The following IL1RAPL1 variants were observed in gnomAD, a reference collection of about 807,000 sequenced individuals.
The protein encoded by IL1RAPL1 is interleukin 1 receptor accessory protein like 1.
IL1RAPL1 carries 3 observed loss-of-function variants against 48.4 expected under a neutral mutation model. The observed-to-expected ratio is 0.06, with a 90% CI of 0.03 to 0.16. The LOEUF is 0.16. Ranked by LOEUF, IL1RAPL1 falls within the 10% of genes least tolerant of loss-of-function variation. The pLI is 1.00. For missense variants in IL1RAPL1, 349 were observed against 530.6 expected, an observed-to-expected ratio of 0.66 and a Z score of 3.36; for synonymous variants, 185 against 187.7, an observed-to-expected ratio of 0.99 and a Z score of 0.12.
At chrX:28,805,507 A>G (rs189471041) in intron 2 of IL1RAPL1, among the ~76,000 whole-genome samples, 63 of 111,358 alleles carry the variant, frequency 5.7e-4, no homozygotes, top group African/African-American at 1.9e-3. Context: ...TATTGTATCA[A>G]TGGGTCTTGC....
intron 2 of IL1RAPL1, among the ~76,000 whole-genome samples, chrX:28,883,202 T>C (rs764566817): frequency 2.7e-5 from 3 of 112,235 alleles, no homozygotes; most frequent in Non-Finnish European, 3.8e-5. Flanking sequence ...TATTCATATC[T>C]TTTAATAAAA....
chrX:29,912,222 T>C (rs1486451225), intron 6 of IL1RAPL1, among the ~76,000 whole-genome samples: 1 of 111,879 alleles, frequency 8.9e-6, no homozygotes, highest in African/African-American at 3.2e-5. Context: ...CTGTACTTAC[T>C]TACAATGTGA....
chrX:29,087,149 T>A (rs953159085), intron 2 of IL1RAPL1, among the ~76,000 whole-genome samples: 1 of 102,882 alleles, frequency 9.7e-6, no homozygotes, highest in African/African-American at 3.6e-5. Context: ...TTTTTTTTTT[T>A]TTTTTTTGAG....
intron 6 of IL1RAPL1, among the ~76,000 whole-genome samples, chrX:29,784,955 C>A (rs1331651902): frequency 9.0e-6 from 1 of 111,728 alleles, no homozygotes; most frequent in Non-Finnish European, 1.9e-5. Flanking sequence ...GACATTGATA[C>A]GTTGCAGTAG....
chrX:29,438,655 G>A (rs1873357477), intron 5 of IL1RAPL1, among the ~76,000 whole-genome samples: 1 of 110,911 alleles, frequency 9.0e-6, no homozygotes, highest in Non-Finnish European at 1.9e-5. Context: ...TTTACTAGTC[G>A]TTTGGTGTCC....
intron 1 of IL1RAPL1, among the ~76,000 whole-genome samples, chrX:28,712,274 C>T: frequency 9.0e-6 from 1 of 110,546 alleles, no homozygotes. Context: ...TCCAGAGAAA[C>T]CTACCTACTG....
intron 6 of IL1RAPL1, among the ~76,000 whole-genome samples, chrX:29,915,924 A>G (rs1236074859): frequency 4.9e-5 from 3 of 60,751 alleles, no homozygotes; most frequent in Non-Finnish European, 8.7e-5. Flanking sequence ...CACAGTCCCC[A>G]GAGTGTGATA....
chrX:29,908,381 T>C (rs868388028), intron 6 of IL1RAPL1, among the ~76,000 whole-genome samples: 1 of 96,969 alleles, frequency 1.0e-5, no homozygotes, highest in Non-Finnish European at 2.2e-5. Flanking sequence ...CAAAAATATA[T>C]ATATATATAT....
intron 2 of IL1RAPL1, among the ~76,000 whole-genome samples, chrX:29,074,573 T>C (rs906859189): frequency 1.8e-5 from 2 of 112,202 alleles, no homozygotes; most frequent in African/African-American, 6.5e-5. Flanking sequence ...ATATTGCTTT[T>C]TTGCTGTTCT....
At chrX:29,565,987 C>G (rs559228696) in intron 5 of IL1RAPL1, among the ~76,000 whole-genome samples, 1 of 108,112 alleles carries the variant, frequency 9.2e-6, no homozygotes, top group Non-Finnish European at 1.9e-5. Flanking sequence ...CTCGCTCTGT[C>G]GCCCAGGCTA....
intron 5 of IL1RAPL1, among the ~76,000 whole-genome samples, chrX:29,657,665 C>T (rs757028647): frequency 3.3e-4 from 37 of 110,936 alleles, no homozygotes; most frequent in Middle Eastern, 4.7e-3. Flanking sequence ...GGGATTTATC[C>T]TTTTTCATTT....
At chrX:29,506,438 T>TCCTCCTCCTC (rs1556025757) in intron 5 of IL1RAPL1, among the ~76,000 whole-genome samples, 3,881 of 90,361 alleles carry the variant, frequency 0.043, 244 homozygotes, top group African/African-American at 0.13. Flanking sequence ...TCCTTCTCCT[T>TCCTCCTCCTC]CTCCTCCTCC....
intron 3 of IL1RAPL1, among the ~76,000 whole-genome samples, chrX:29,310,142 A>AC (rs1185871653): frequency 1.4e-3 from 136 of 99,578 alleles, no homozygotes; most frequent in African/African-American, 4.9e-3. Flanking sequence ...AAGGAAAAAA[A>AC]AAAAAACAAA....
intron 1 of IL1RAPL1, among the ~76,000 whole-genome samples, chrX:28,766,322 T>C (rs997106022): frequency 9.0e-6 from 1 of 110,707 alleles, no homozygotes; most frequent in Non-Finnish European, 1.9e-5. Flanking sequence ...GAACTGGTAA[T>C]ACAATTGCTA....
intron 9 of IL1RAPL1, among the ~76,000 whole-genome samples, chrX:29,942,619 A>T (rs939132785): frequency 2.0e-5 from 2 of 102,155 alleles, no homozygotes; most frequent in African/African-American, 3.5e-5. Context: ...TTTCTTCATC[A>T]TTTTTTTTTT....
At chrX:29,897,922 G>A (rs913446628) in intron 6 of IL1RAPL1, among the ~76,000 whole-genome samples, 2 of 111,802 alleles carry the variant, frequency 1.8e-5, no homozygotes, top group African/African-American at 6.5e-5. Flanking sequence ...GCGCTACCAT[G>A]AAGTAGAATA....
At chrX:28,715,783 A>G (rs1403184894) in intron 1 of IL1RAPL1, among the ~76,000 whole-genome samples, 4 of 111,478 alleles carry the variant, frequency 3.6e-5, no homozygotes, top group Non-Finnish European at 7.5e-5. Context: ...TCCTACTGAA[A>G]CTATTCCAAA....
chrX:29,590,781 A>G (rs1923345826), intron 5 of IL1RAPL1, among the ~76,000 whole-genome samples: 1 of 111,639 alleles, frequency 9.0e-6, no homozygotes, highest in Non-Finnish European at 1.9e-5. Context: ...TGCATAAACT[A>G]TAAGGTGACC....
intron 3 of IL1RAPL1, among the ~76,000 whole-genome samples, chrX:29,324,927 A>G (rs1932833799): frequency 8.9e-6 from 1 of 112,065 alleles, no homozygotes; most frequent in South Asian, 3.7e-4. Context: ...TTTATTCTAC[A>G]TTAAAACATT....
Sources: allele counts gnomAD v4.1 joint callset (sites outside exome capture counted in the v4.1 genomes callset), GRCh38; gene constraint gnomAD v4.1.1; transcripts MANE v1.5; gene names NCBI Gene and HGNC (gene_info 2026-07-23, HGNC 2026-07-21).